The following PTPRJ variants were observed in gnomAD, a reference collection of about 807,000 sequenced individuals.
PTPRJ encodes the protein protein tyrosine phosphatase receptor type J.
A neutral mutation model predicts 141.3 loss-of-function variants in PTPRJ; 129 were observed. The ratio of observed to expected loss-of-function variants is 0.91; its 90% confidence interval spans 0.79 to 1.06. PTPRJ has a LOEUF of 1.06. PTPRJ is among the 50% of genes least tolerant of loss of function. The pLI is 0.00. For synonymous variants in PTPRJ, 610 were observed against 640.5 expected (o/e 0.95, Z 0.72); for missense variants, 1,601 against 1,679.7 (o/e 0.95, Z 0.82).
At chr11:48,031,186 T>G (rs1853972735) in intron 1 of PTPRJ, among the ~76,000 whole-genome samples, 1 of 152,192 alleles carries the variant, frequency 6.6e-6, no homozygotes, top group South Asian at 2.1e-4. Context: ...ATTTTTTTAA[T>G]AAATGGTAGA....
At chr11:48,153,180 G>T (rs1057314357) in intron 18 of PTPRJ, among the ~76,000 whole-genome samples, 1 of 152,118 alleles carries the variant, frequency 6.6e-6, no homozygotes, top group Non-Finnish European at 1.5e-5. Context: ...AATCCATCTC[G>T]CTGACTGACT....
intron 1 of PTPRJ, among the ~76,000 whole-genome samples, chr11:48,098,463 C>T (rs1261920273): frequency 6.6e-6 from 1 of 152,174 alleles, no homozygotes; most frequent in African/African-American, 2.4e-5. Context: ...CAGCCTTGAC[C>T]ACCAGGCACC....
In PTPRJ at chr11:48,153,877, G is replaced by A. The variant is rs376443626; in HGVS notation, c.3220G>A (p.Val1074Ile). 16 of 1,608,980 alleles carry A rather than the reference G, an allele frequency of 9.9e-6. No homozygotes were observed. Among genetic ancestry groups the A allele is most frequent in the Non-Finnish European group, 1.3e-5 (15 of 1,175,418 alleles). Reference protein sequence around the residue: ...ENRGKNRYNNVLPYDISRVKL... With the variant: ...ENRGKNRYNNILPYDISRVKL... Reference sequence around the variant, plus strand: ...TAGAGGAAAGAATCGCTATAATAATGTTCTGCCCTGTAAGTTATTTTATCT... The same window carrying A: ...TAGAGGAAAGAATCGCTATAATAATATTCTGCCCTGTAAGTTATTTTATCT... The change falls in exon 19 of 25, where the codon GTT (valine) becomes ATT (isoleucine). Residue 1074 changes from valine to isoleucine, a missense_variant. Coordinates refer to ENST00000418331, the MANE Select transcript of PTPRJ (RefSeq NM_002843.4).
At position 47,993,481 on chromosome 11, in the gene PTPRJ, C is replaced by T. The variant is rs138440167; in HGVS notation, c.96+12473C>T. Among the ~76,000 whole-genome samples, 142 of 152,020 alleles carry T rather than the reference C, an allele frequency of 9.3e-4. No homozygotes were observed. The East Asian group carries it at 0.022, about 24-fold the overall frequency. ...CTAGTTTTTGTATTTTTAGTAGAGA[C>T]GGGGTTTCATCATGTTGGCCAGGCT... On this transcript the variant is annotated intron_variant, in intron 1 of 24. Transcript: ENST00000418331.
intron 1 of PTPRJ, among the ~76,000 whole-genome samples, chr11:48,015,284 T>C (rs1419697316): frequency 6.6e-6 from 1 of 151,948 alleles, no homozygotes; most frequent in Non-Finnish European, 1.5e-5. Context: ...GTTTCTGTGT[T>C]ATGGGCACCG....
intron 22 of PTPRJ, among the ~76,000 whole-genome samples, chr11:48,161,328 A>G (rs974775184): frequency 6.6e-6 from 1 of 152,204 alleles, no homozygotes; most frequent in Non-Finnish European, 1.5e-5. Context: ...GCCGGGAAGT[A>G]TAGATTCACT....
chr11:48,031,266 G>A (rs1292750673), intron 1 of PTPRJ, among the ~76,000 whole-genome samples: 1 of 152,172 alleles, frequency 6.6e-6, no homozygotes, highest in Non-Finnish European at 1.5e-5. Context: ...GGTAAATTCT[G>A]TTGGCTTATA....
chr11:48,088,715 A>T (rs1855779135), intron 1 of PTPRJ, among the ~76,000 whole-genome samples: 1 of 151,960 alleles, frequency 6.6e-6, no homozygotes, highest in African/African-American at 2.4e-5. Flanking sequence ...GTAACATAAG[A>T]GCTTCTTATG....
At chr11:48,116,822 T>G (rs77007769) in intron 3 of PTPRJ, among the ~76,000 whole-genome samples, 4 of 152,230 alleles carry the variant, frequency 2.6e-5, no homozygotes, top group Admixed American at 2.6e-4. Flanking sequence ...GAATAACTAA[T>G]GGGTTGATGA....
chr11:48,127,562 C>T (rs1262485874), intron 6 of PTPRJ, among the ~76,000 whole-genome samples: 1 of 152,150 alleles, frequency 6.6e-6, no homozygotes, highest in African/African-American at 2.4e-5. Context: ...CAAAGAATAA[C>T]CCTGCAGGTG....
chr11:48,143,158 T>G (rs1857274690), intron 12 of PTPRJ, 108 bp downstream of exon 12: 2 of 1,402,784 alleles, frequency 1.4e-6, no homozygotes, highest in African/African-American at 1.4e-5. Context: ...GCCTGTCTTC[T>G]CACTGCAGCC....
intron 1 of PTPRJ, among the ~76,000 whole-genome samples, chr11:48,083,414 A>T (rs1023289329): frequency 1.1e-4 from 16 of 152,356 alleles, no homozygotes; most frequent in Middle Eastern, 3.4e-3. Flanking sequence ...GGGCAACAAG[A>T]GTGAAACTCT....
In PTPRJ at chr11:48,077,888, TATTTAC is replaced by T. The variant is rs1300112131; in HGVS notation, c.97-32168_97-32163del. The stretch of plus-strand genomic sequence containing the variant: ...CTCATTTTATTCTACTGGAATGATC[TATTTAC>T]ACTTATCTCCCTGCAAATTGTATCC... On this transcript the variant is annotated intron_variant, in intron 1 of 24. Transcript: ENST00000418331. Among the ~76,000 whole-genome samples the T allele has an allele frequency of 3.3e-5, 5 of 152,230 alleles. No individual in the cohort carries two copies. In the East Asian group the frequency reaches 9.6e-4, roughly 29 times the overall value.
chr11:48,152,685 T>A (rs958882604), intron 18 of PTPRJ, among the ~76,000 whole-genome samples: 1 of 152,236 alleles, frequency 6.6e-6, no homozygotes, highest in Non-Finnish European at 1.5e-5. Flanking sequence ...AAATTGGGAA[T>A]CCTTTCCCCA....
intron 1 of PTPRJ, among the ~76,000 whole-genome samples, chr11:48,034,681 A>C (rs1264515939): frequency 6.6e-6 from 1 of 152,194 alleles, no homozygotes; most frequent in Non-Finnish European, 1.5e-5. Context: ...GCAAGAAAAC[A>C]GGCACAGACA....
At chr11:48,084,729 C>T (rs943921824) in intron 1 of PTPRJ, among the ~76,000 whole-genome samples, 4 of 152,072 alleles carry the variant, frequency 2.6e-5, no homozygotes, top group African/African-American at 4.8e-5. Flanking sequence ...ACTTGGAGTA[C>T]GTAGTGTGAC....
intron 3 of PTPRJ, 56 bp from the exon 4 acceptor site, chr11:48,120,947 A>G: frequency 2.1e-6 from 3 of 1,442,090 alleles, no homozygotes; most frequent in Non-Finnish European, 2.8e-6. Flanking sequence ...AGCAGACCTC[A>G]CTCTTACATT....
intron 1 of PTPRJ, among the ~76,000 whole-genome samples, chr11:48,097,673 G>C (rs1590499174): frequency 1.3e-5 from 2 of 152,184 alleles, no homozygotes; most frequent in East Asian, 3.9e-4. Context: ...GAGTAGCTGG[G>C]ACTACAGGTA....
intron 11 of PTPRJ, among the ~76,000 whole-genome samples, chr11:48,140,755 A>C (rs1428790885): frequency 6.6e-6 from 1 of 152,270 alleles, no homozygotes; most frequent in Admixed American, 6.5e-5. Context: ...GGAATAGCCG[A>C]AATTGGTATT....
Sources: allele counts gnomAD v4.1 joint callset (sites outside exome capture counted in the v4.1 genomes callset), GRCh38; gene constraint gnomAD v4.1.1; transcripts MANE v1.5; gene names NCBI Gene and HGNC (gene_info 2026-07-23, HGNC 2026-07-21).